Variants in TTC28 observed in about 807,000 individuals in gnomAD.
TTC28 encodes the protein tetratricopeptide repeat protein 28.
In TTC28, 61 loss-of-function variants were observed where a neutral mutation model predicts 198.0. The observed-to-expected ratio is 0.31, with a 90% CI of 0.25 to 0.38. TTC28 has a LOEUF of 0.38. TTC28 is among the 10% of genes least tolerant of loss of function. TTC28 has a pLI of 1.00. For synonymous variants in TTC28, 1,171 were observed against 1,297.8 expected, an observed-to-expected ratio of 0.90 and a Z score of 2.10; for missense variants, 2,678 against 3,164.0, an observed-to-expected ratio of 0.85 and a Z score of 3.69.
intron 13 of TTC28, among the ~76,000 whole-genome samples, chr22:28,020,425 A>G (rs2146600498): frequency 6.6e-6 from 1 of 152,306 alleles, no homozygotes; most frequent in East Asian, 1.9e-4. Context: ...CCCAGCATGC[A>G]TGCAGAGAGA....
At chr22:28,661,296 A>G (rs193011430) in intron 1 of TTC28, among the ~76,000 whole-genome samples, 1 of 152,224 alleles carries the variant, frequency 6.6e-6, no homozygotes, top group Non-Finnish European at 1.5e-5. Context: ...GAAAAAAAAC[A>G]ATTGTTGTTA....
chr22:28,627,021 G>A (rs991913288), intron 2 of TTC28, among the ~76,000 whole-genome samples: 3 of 152,024 alleles, frequency 2.0e-5, no homozygotes, highest in Admixed American at 6.6e-5. Flanking sequence ...AAAAACACAA[G>A]TGGATCAAAA....
chr22:28,671,208 G>C (rs1387156684), intron 1 of TTC28, among the ~76,000 whole-genome samples: 1 of 151,866 alleles, frequency 6.6e-6, no homozygotes, highest in Non-Finnish European at 1.5e-5. Flanking sequence ...GCCTCCCAAA[G>C]TGCTAGGATT....
rs1278536326 is a variant in TTC28, at chr22:28,094,208, GT to G, written c.3803del (p.Asn1268ThrfsTer15). On this transcript the variant is annotated frameshift_variant, in exon 12 of 23. Coordinates refer to ENST00000397906, the MANE Select transcript of TTC28 (RefSeq NM_001145418.2). LOFTEE classifies it high-confidence loss of function. ...GGAAGTCACTTGAGTTTTCCACTGT[GT>G]TCTCACCCAGGTAGTGTTCATGAAA... ...VKFHEHYLGE[N>X]TVENSSDFQA... 6.4e-7 allele frequency: 1 copy of G among 1,551,002 alleles called. No homozygotes were observed. Among genetic ancestry groups the G allele is most frequent in the Admixed American group, 2.0e-5 (1 of 50,808 alleles).
At chr22:28,619,872 A>G (rs757238190) in intron 2 of TTC28, among the ~76,000 whole-genome samples, 19 of 152,264 alleles carry the variant, frequency 1.2e-4, no homozygotes, top group Non-Finnish European at 2.2e-4. Context: ...ATGCTTTACA[A>G]AGAAATTATG....
rs986183844 is a variant in TTC28, at chr22:27,981,197, C to A, written c.*1024G>T. 1.9e-5 allele frequency: 2 copies of A among 103,906 alleles called. No homozygotes were observed. Among genetic ancestry groups the A allele is most frequent in the Non-Finnish European group, 3.6e-5 (2 of 56,276 alleles). 6.4% of individuals were successfully genotyped at this position (103,906 alleles called of 1,614,324 possible). A position where few individuals can be genotyped will look rare whatever the true frequency, so the allele number is the denominator to read the frequency against. ...TAAAAGGGAACAGGAGCCTGGAAGG[C>A]GGGATTCTGGTTAAATCTAGTTAGC... On this transcript the variant is annotated 3_prime_UTR_variant, in exon 23 of 23. Transcript: ENST00000397906.
intron 2 of TTC28, among the ~76,000 whole-genome samples, chr22:28,494,307 G>A (rs1225793129): frequency 6.6e-6 from 1 of 152,146 alleles, no homozygotes; most frequent in African/African-American, 2.4e-5. Context: ...AATTAACTGG[G>A]AGGCCATCAA....
intron 5 of TTC28, among the ~76,000 whole-genome samples, chr22:28,245,213 C>T (rs1929992049): frequency 6.6e-6 from 1 of 152,038 alleles, no homozygotes; most frequent in African/African-American, 2.4e-5. Flanking sequence ...TTTTATTTAA[C>T]GGATGCATGA....
chr22:28,466,855 A>ACACACACC (rs912322558), intron 2 of TTC28, among the ~76,000 whole-genome samples: 108 of 147,830 alleles, frequency 7.3e-4, no homozygotes, highest in Middle Eastern at 3.4e-3. Flanking sequence ...ACACACACAC[A>ACACACACC]CCCCTATGCC....
At chr22:28,325,620 C>G (rs116772624) in intron 2 of TTC28, among the ~76,000 whole-genome samples, 2,194 of 152,072 alleles carry the variant, frequency 0.014, 65 homozygotes, top group African/African-American at 0.05. Context: ...CCTTTATATA[C>G]AAAGAATTGT....
At chr22:28,470,447 A>G (rs1208657331) in intron 2 of TTC28, among the ~76,000 whole-genome samples, 1 of 152,160 alleles carries the variant, frequency 6.6e-6, no homozygotes, top group Non-Finnish European at 1.5e-5. Flanking sequence ...AAGCTATGCA[A>G]TGTAATTTGA....
At chr22:28,337,349 A>T (rs1045948130) in intron 2 of TTC28, among the ~76,000 whole-genome samples, 1 of 152,148 alleles carries the variant, frequency 6.6e-6, no homozygotes, top group Non-Finnish European at 1.5e-5. Flanking sequence ...GTAGATGTCT[A>T]TTAGGTCCGC....
chr22:28,575,741 A>G (rs2050136635), intron 2 of TTC28, among the ~76,000 whole-genome samples: 1 of 152,058 alleles, frequency 6.6e-6, no homozygotes, highest in South Asian at 2.1e-4. Flanking sequence ...GGTTAAGTTT[A>G]TTCCTAGGTA....
rs1175902366 is a variant in TTC28 at position 28,559,529 on chromosome 22, G to A, written c.381+70023C>T. Among the ~76,000 whole-genome samples the A allele has an allele frequency of 4.6e-5, 7 of 152,040 alleles. No individual in the cohort carries two copies. The South Asian group carries it at 1.2e-3, about 27-fold the overall frequency. ...CTCCATCCCAACTGCCACCACCCCG[G>A]CCTAAGACAATATTTATCATTTCTC... On this transcript the variant is annotated intron_variant, in intron 2 of 22. Transcript: ENST00000397906.
intron 2 of TTC28, among the ~76,000 whole-genome samples, chr22:28,535,143 TA>T (rs35064788): frequency 1.3e-5 from 2 of 152,056 alleles, no homozygotes; most frequent in Admixed American, 6.6e-5. Flanking sequence ...CAAGTATATT[TA>T]AAAAAAAGGA....
intron 2 of TTC28, among the ~76,000 whole-genome samples, chr22:28,307,817 A>C (rs1004449885): frequency 1.3e-5 from 2 of 152,206 alleles, no homozygotes; most frequent in Non-Finnish European, 2.9e-5. Context: ...CAATATACTT[A>C]GAAATTGTCA....
intron 16 of TTC28, among the ~76,000 whole-genome samples, chr22:27,996,641 G>C (rs1268732414): frequency 3.3e-5 from 5 of 152,126 alleles, no homozygotes; most frequent in Non-Finnish European, 7.3e-5. Context: ...TGCCATGGGG[G>C]CCATGGGGAG....
At chr22:28,101,478 C>A (rs1239925831) in intron 8 of TTC28, among the ~76,000 whole-genome samples, 198 bp from the exon 9 acceptor site, 1 of 152,202 alleles carries the variant, frequency 6.6e-6, no homozygotes, top group Non-Finnish European at 1.5e-5. Context: ...CCTCAGTCAG[C>A]CTCCGGAATA....
intron 2 of TTC28, among the ~76,000 whole-genome samples, chr22:28,361,042 C>G (rs1398426744): frequency 6.6e-6 from 1 of 152,202 alleles, no homozygotes; most frequent in Non-Finnish European, 1.5e-5. Flanking sequence ...TCCCTTGTCT[C>G]TCTCCTTCTT....
Sources: gnomAD v4.1 joint callset for allele counts (sites outside exome capture counted in the v4.1 genomes callset) on GRCh38, gnomAD v4.1.1 for gene constraint, MANE v1.5 for transcripts, NCBI Gene and HGNC (gene_info 2026-07-23, HGNC 2026-07-21) for gene names.